TBC1D5: variants seen among roughly 807,000 people sequenced by gnomAD.
TBC1D5 encodes TBC1 domain family member 5.
In TBC1D5, 75 loss-of-function variants were observed where a neutral mutation model predicts 100.3. That is an observed-to-expected ratio of 0.75 (90% confidence interval 0.62 to 0.91). TBC1D5 has a LOEUF of 0.91. Ranked by LOEUF, TBC1D5 falls within the 40% of genes least tolerant of loss-of-function variation. TBC1D5 has a pLI of 0.00. For synonymous variants in TBC1D5, 323 were observed against 325.6 expected (o/e 0.99, Z 0.09); for missense variants, 910 against 942.4 (o/e 0.97, Z 0.45).
chr3:17,569,507 T>C (rs989275742), intron 2 of TBC1D5, among the ~76,000 whole-genome samples: 3 of 151,746 alleles, frequency 2.0e-5, no homozygotes, highest in Admixed American at 2.0e-4. Context: ...CCATGAGGCA[T>C]ATGGTAGTAA....
chr3:17,509,070 C>A (rs530334457), intron 2 of TBC1D5, among the ~76,000 whole-genome samples: 2 of 151,958 alleles, frequency 1.3e-5, no homozygotes, highest in Non-Finnish European at 2.9e-5. Context: ...TTATTCTGGG[C>A]ATTTAAAATA....
At chr3:17,252,895 C>T (rs932607960) in intron 16 of TBC1D5, among the ~76,000 whole-genome samples, 4 of 152,198 alleles carry the variant, frequency 2.6e-5, no homozygotes, top group African/African-American at 9.6e-5. Context: ...AATACTTGTT[C>T]ACTTCAATTG....
intron 15 of TBC1D5, among the ~76,000 whole-genome samples, chr3:17,269,041 C>T (rs952304971): frequency 3.9e-5 from 6 of 152,118 alleles, no homozygotes; most frequent in Non-Finnish European, 8.8e-5. Flanking sequence ...CCTGCCATGC[C>T]AGGATTTAAC....
chr3:17,381,665 T>G (rs2092949709), intron 9 of TBC1D5, among the ~76,000 whole-genome samples: 1 of 151,744 alleles, frequency 6.6e-6, no homozygotes, highest in Non-Finnish European at 1.5e-5. Context: ...ACTAATAGAT[T>G]TTTTCCCCCA....
intron 2 of TBC1D5, among the ~76,000 whole-genome samples, chr3:17,606,381 GCGAGGC>G (rs2061335516): frequency 6.6e-6 from 1 of 152,188 alleles, no homozygotes; most frequent in Non-Finnish European, 1.5e-5. Context: ...ACCCAGGAAT[GCGAGGC>G]TGCAGTGAGC....
intron 14 of TBC1D5, among the ~76,000 whole-genome samples, chr3:17,307,475 G>A (rs1227915174): frequency 6.6e-6 from 1 of 152,106 alleles, no homozygotes; most frequent in African/African-American, 2.4e-5. Flanking sequence ...CTGAGGAGAT[G>A]GGAACACGTC....
chr3:17,399,214 C>A (rs2152396769), intron 8 of TBC1D5, among the ~76,000 whole-genome samples: 1 of 152,178 alleles, frequency 6.6e-6, no homozygotes, highest in African/African-American at 2.4e-5. Flanking sequence ...CACAGGGAGT[C>A]ATAGAAAGTT....
chr3:17,604,965 C>T (rs1444056682), intron 2 of TBC1D5, among the ~76,000 whole-genome samples: 1 of 152,158 alleles, frequency 6.6e-6, no homozygotes, highest in South Asian at 2.1e-4. Context: ...TGTGAACCAC[C>T]GCACCCAGCC....
chr3:17,733,345 A>G (rs950938231), intron 1 of TBC1D5, among the ~76,000 whole-genome samples: 5 of 152,236 alleles, frequency 3.3e-5, no homozygotes, highest in African/African-American at 1.2e-4. Context: ...TAAACTCACC[A>G]TAAGGATCTT....
At chr3:17,628,720 G>A (rs2153666790) in intron 1 of TBC1D5, among the ~76,000 whole-genome samples, 1 of 152,292 alleles carries the variant, frequency 6.6e-6, no homozygotes, top group Middle Eastern at 3.4e-3. Context: ...ATCAGCACTA[G>A]GAATTGTTAG....
At chr3:17,724,904 T>C (rs1244463220) in intron 1 of TBC1D5, among the ~76,000 whole-genome samples, 2 of 152,214 alleles carry the variant, frequency 1.3e-5, no homozygotes, top group African/African-American at 2.4e-5. Context: ...CTTTCTTTAG[T>C]TGTATCCAAT....
intron 1 of TBC1D5, among the ~76,000 whole-genome samples, chr3:17,676,525 T>C (rs1456676740): frequency 6.6e-6 from 1 of 152,186 alleles, no homozygotes; most frequent in Non-Finnish European, 1.5e-5. Context: ...TGGAAGAACA[T>C]TCCATGCTCT....
intron 1 of TBC1D5, among the ~76,000 whole-genome samples, chr3:17,662,159 C>A (rs2066729006): frequency 6.6e-6 from 1 of 152,200 alleles, no homozygotes; most frequent in African/African-American, 2.4e-5. Context: ...TCCCAAAGCA[C>A]TGGGATTACA....
chr3:17,549,147 A>T (rs2096448793), intron 2 of TBC1D5, among the ~76,000 whole-genome samples: 1 of 152,136 alleles, frequency 6.6e-6, no homozygotes, highest in Admixed American at 6.5e-5. Context: ...AATACAAAAA[A>T]ATATATAGCC....
intron 4 of TBC1D5, among the ~76,000 whole-genome samples, chr3:17,414,371 G>C (rs931755073): frequency 6.6e-6 from 1 of 152,112 alleles, no homozygotes; most frequent in Non-Finnish European, 1.5e-5. Context: ...TTATCAAAAA[G>C]GAGCCAGTAA....
chr3:17,497,138 C>T (rs115371717), intron 3 of TBC1D5, among the ~76,000 whole-genome samples: 2,726 of 133,022 alleles, frequency 0.02, 77 homozygotes, highest in African/African-American at 0.071. Flanking sequence ...ACACACACAC[C>T]ATCCTTGTAT....
At chr3:17,635,419 G>T (rs555498221) in intron 1 of TBC1D5, among the ~76,000 whole-genome samples, 3 of 152,168 alleles carry the variant, frequency 2.0e-5, no homozygotes, top group African/African-American at 7.2e-5. Flanking sequence ...GGTGTCTCAC[G>T]CCTGTAATCC....
intron 13 of TBC1D5, among the ~76,000 whole-genome samples, chr3:17,366,920 T>C (rs968864890): frequency 6.6e-6 from 1 of 152,124 alleles, no homozygotes; most frequent in Admixed American, 6.6e-5. Context: ...CAACTGCTAA[T>C]CCAGATAATA....
chr3:17,197,039 A>G (rs2070788425), intron 18 of TBC1D5, among the ~76,000 whole-genome samples: 1 of 152,182 alleles, frequency 6.6e-6, no homozygotes, highest in Non-Finnish European at 1.5e-5. Flanking sequence ...CATGCATGCA[A>G]CACAGATATC....
Sources: allele counts gnomAD v4.1 joint callset (sites outside exome capture counted in the v4.1 genomes callset), GRCh38; gene constraint gnomAD v4.1.1; transcripts MANE v1.5; gene names NCBI Gene and HGNC (gene_info 2026-07-23, HGNC 2026-07-21).